Variants in GPM6A observed in about 807,000 individuals in gnomAD.
GPM6A encodes neuronal membrane glycoprotein M6-a.
Under a neutral mutation model 32.1 loss-of-function variants are expected in GPM6A, and 7 were observed. That is an observed-to-expected ratio of 0.22 (90% CI 0.12 to 0.41). The LOEUF (loss-of-function observed/expected upper bound fraction) is 0.41. GPM6A is among the 10% of genes least tolerant of loss of function. GPM6A has a pLI of 1.00. For synonymous variants in GPM6A, 130 were observed against 123.4 expected (o/e 1.05, Z -0.35); for missense variants, 235 against 347.2 (o/e 0.68, Z 2.57).
At chr4:175,814,184 T>C (rs62338074), upstream of GPM6A, among the ~76,000 whole-genome samples, 74,324 of 152,120 alleles carry the variant, frequency 0.49, 18,478 homozygotes, top group Non-Finnish European at 0.53. Context: ...TACAATAATG[T>C]CACCTTAAAT....
chr4:175,899,239 AAGGC>A (rs1380854337), intron 1 of GPM6A, among the ~76,000 whole-genome samples: 1 of 152,226 alleles, frequency 6.6e-6, no homozygotes, highest in African/African-American at 2.4e-5. Context: ...TAGTCCCATT[AAGGC>A]AGAGATAAAG....
chr4:175,878,704 A>C (rs1737169423), intron 1 of GPM6A, among the ~76,000 whole-genome samples: 1 of 151,842 alleles, frequency 6.6e-6, no homozygotes, highest in African/African-American at 2.4e-5. Flanking sequence ...ATGCCCTGGG[A>C]GCATTTTCCC....
chr4:175,959,080 A>G (rs1381539906), intron 1 of GPM6A, among the ~76,000 whole-genome samples: 1 of 152,214 alleles, frequency 6.6e-6, no homozygotes, highest in African/African-American at 2.4e-5. Flanking sequence ...GGAATAGTAG[A>G]CGGAAGGAAA....
intron 1 of GPM6A, among the ~76,000 whole-genome samples, chr4:175,852,094 G>C (rs1736277173): frequency 6.6e-6 from 1 of 152,082 alleles, no homozygotes; most frequent in South Asian, 2.1e-4. Context: ...CTTGGAATTG[G>C]GGCTTTGGCC....
chr4:175,709,051 T>C (rs1177542141), intron 1 of GPM6A, among the ~76,000 whole-genome samples: 1 of 152,208 alleles, frequency 6.6e-6, no homozygotes, highest in African/African-American at 2.4e-5. Context: ...TTAAATCTGT[T>C]TGCTAAATTC....
chr4:175,636,231 G>A (rs1309383937), intron 6 of GPM6A, among the ~76,000 whole-genome samples: 1 of 132,460 alleles, frequency 7.5e-6, no homozygotes, highest in Non-Finnish European at 1.6e-5. Context: ...TGTACATTAT[G>A]GCATTTACAT....
At chr4:175,812,287 TGGAAAAACTGGGGG>T, upstream of GPM6A, 1 of 1,241,932 alleles carries the variant, frequency 8.1e-7, no homozygotes. Flanking sequence ...AATTAGATGT[TGGAAAAACTGGGGG>T]TTTTTTTTTT....
intron 1 of GPM6A, among the ~76,000 whole-genome samples, chr4:175,897,734 A>C (rs1368367312): frequency 6.6e-6 from 1 of 152,182 alleles, no homozygotes; most frequent in African/African-American, 2.4e-5. Context: ...TTTTTATTCT[A>C]AAATCTCTCC....
intron 1 of GPM6A, among the ~76,000 whole-genome samples, chr4:175,906,246 A>C (rs1361574244): frequency 6.6e-6 from 1 of 152,150 alleles, no homozygotes; most frequent in East Asian, 1.9e-4. Context: ...ATTGTAGCTC[A>C]GCATCAGATT....
rs1363092461 is a variant in GPM6A at position 175,660,568 on chromosome 4, C to T, written c.388-8581G>A. Among the ~76,000 whole-genome samples the T allele has an allele frequency of 2.0e-5, 3 of 152,016 alleles. No individual in the cohort carries two copies. The East Asian group carries it at 5.8e-4, about 29-fold the overall frequency. ...AATGCTGAATAAAGGAAATATGTTG[C>T]TAAAAAATAACAAAAATATTGCTGG... On this transcript the variant is annotated intron_variant, in intron 3 of 6. Transcript: ENST00000393658.
chr4:175,940,924 G>C (rs575451385), intron 1 of GPM6A, among the ~76,000 whole-genome samples: 1 of 152,166 alleles, frequency 6.6e-6, no homozygotes, highest in African/African-American at 2.4e-5. Context: ...CTTTAACTAC[G>C]TTGGCACAGT....
intron 1 of GPM6A, among the ~76,000 whole-genome samples, chr4:175,780,098 A>AGTGGC (rs1226061551): frequency 6.6e-6 from 1 of 151,844 alleles, no homozygotes; most frequent in East Asian, 1.9e-4. Context: ...GCTGGAGTGA[A>AGTGGC]GTGGCGTGGC....
chr4:175,672,532 A>T (rs1402889946), intron 3 of GPM6A, among the ~76,000 whole-genome samples: 1 of 152,176 alleles, frequency 6.6e-6, no homozygotes, highest in Admixed American at 6.6e-5. Context: ...TGAAAATTGG[A>T]CCACAAATTA....
intron 1 of GPM6A, among the ~76,000 whole-genome samples, chr4:175,975,351 T>C (rs1428291266): frequency 6.6e-6 from 1 of 152,214 alleles, no homozygotes; most frequent in Non-Finnish European, 1.5e-5. Flanking sequence ...TATTGGGTCA[T>C]GTGGAATACC....
At chr4:175,824,299 C>T (rs564514935) in intron 1 of GPM6A, among the ~76,000 whole-genome samples, 2 of 152,300 alleles carry the variant, frequency 1.3e-5, no homozygotes, top group South Asian at 2.1e-4. Context: ...CTTGACTCCA[C>T]TCTGCTTGTG....
chr4:175,899,335 G>A (rs1364462015), intron 1 of GPM6A, among the ~76,000 whole-genome samples: 2 of 151,990 alleles, frequency 1.3e-5, no homozygotes, highest in African/African-American at 2.4e-5. Context: ...CCTTTGAAGA[G>A]GCACTTCACA....
intron 1 of GPM6A, among the ~76,000 whole-genome samples, chr4:175,958,190 G>A (rs1264900178): frequency 6.6e-6 from 1 of 152,166 alleles, no homozygotes; most frequent in Non-Finnish European, 1.5e-5. Context: ...ACCATGCCCA[G>A]CCTGTTTCCA....
At chr4:175,749,248 C>T in intron 1 of GPM6A, among the ~76,000 whole-genome samples, 1 of 152,004 alleles carries the variant, frequency 6.6e-6, no homozygotes, top group African/African-American at 2.4e-5. Flanking sequence ...TTGCATTAAC[C>T]TAATAACTTT....
intron 1 of GPM6A, among the ~76,000 whole-genome samples, chr4:175,831,089 C>A (rs1735597619): frequency 6.6e-6 from 1 of 151,946 alleles, no homozygotes; most frequent in Admixed American, 6.6e-5. Flanking sequence ...TCTACTTGTC[C>A]TTTTATTGTC....
Sources: allele counts gnomAD v4.1 joint callset (sites outside exome capture counted in the v4.1 genomes callset), GRCh38; gene constraint gnomAD v4.1.1; transcripts MANE v1.5; gene names NCBI Gene and HGNC (gene_info 2026-07-23, HGNC 2026-07-21).